Variants in UBE2D2 observed in about 807,000 individuals in gnomAD.
The protein encoded by UBE2D2 is ubiquitin conjugating enzyme E2 D2.
UBE2D2 carries 2 observed loss-of-function variants against 24.2 expected under a neutral mutation model. The observed-to-expected ratio is 0.08, with a 90% confidence interval of 0.03 to 0.26. UBE2D2 has a LOEUF of 0.26. UBE2D2 is among the 10% of genes least tolerant of loss of function. UBE2D2 has a pLI of 1.00. For missense variants in UBE2D2, 44 were observed against 177.6 expected (o/e 0.25, Z 4.28); for synonymous variants, 58 against 56.5 (o/e 1.03, Z -0.12).
At chr5:139,618,632 GA>G (rs1754461106) in intron 5 of UBE2D2, among the ~76,000 whole-genome samples, 2 of 152,250 alleles carry the variant, frequency 1.3e-5, no homozygotes, top group African/African-American at 2.4e-5. Context: ...CAAGATAGCT[GA>G]AATTATTGCC....
chr5:139,563,095 T>C (rs1208489542), intron 1 of UBE2D2, among the ~76,000 whole-genome samples: 1 of 152,184 alleles, frequency 6.6e-6, no homozygotes, highest in Non-Finnish European at 1.5e-5. Flanking sequence ...TACCTGTAGC[T>C]ACTTAGAAGT....
At chr5:139,587,046 C>T (rs1256474257) in intron 1 of UBE2D2, among the ~76,000 whole-genome samples, 3 of 152,116 alleles carry the variant, frequency 2.0e-5, no homozygotes, top group African/African-American at 7.2e-5. Flanking sequence ...TGTTGGCAAG[C>T]CTCGTGTTCT....
At chr5:139,568,630 C>T (rs1753290968) in intron 1 of UBE2D2, among the ~76,000 whole-genome samples, 1 of 151,598 alleles carries the variant, frequency 6.6e-6, no homozygotes, top group Non-Finnish European at 1.5e-5. Flanking sequence ...GCATTCTAGC[C>T]TGGGCGACAG....
chr5:139,551,116 G>A (rs550366419), intron 1 of UBE2D2, among the ~76,000 whole-genome samples: 13 of 152,242 alleles, frequency 8.5e-5, no homozygotes, highest in Non-Finnish European at 1.8e-4. Context: ...AGATTGAGGC[G>A]GGTGGATTGT....
intron 1 of UBE2D2, among the ~76,000 whole-genome samples, chr5:139,541,031 C>T (rs1752752667): frequency 2.0e-5 from 3 of 150,702 alleles, no homozygotes; most frequent in Admixed American, 6.6e-5. Context: ...GGCACGGTAG[C>T]TCATCCCTGT....
At chr5:139,550,566 C>A (rs569270803) in intron 1 of UBE2D2, among the ~76,000 whole-genome samples, 1 of 152,256 alleles carries the variant, frequency 6.6e-6, no homozygotes, top group African/African-American at 2.4e-5. Flanking sequence ...CTTCCACGCT[C>A]ACGCTATGGG....
At chr5:139,559,425 CAAA>C (rs113176227), upstream of UBE2D2, among the ~76,000 whole-genome samples, 5 of 108,396 alleles carry the variant, frequency 4.6e-5, no homozygotes, top group Admixed American at 2.0e-4. Flanking sequence ...GACTCCGTCT[CAAA>C]AAAAAAAAAA....
At chr5:139,545,342 A>G (rs951001404) in intron 1 of UBE2D2, among the ~76,000 whole-genome samples, 1 of 150,592 alleles carries the variant, frequency 6.6e-6, no homozygotes, top group Non-Finnish European at 1.5e-5. Context: ...AGCTGAGACT[A>G]TAAGCATATG....
chr5:139,600,325 A>G, intron 1 of UBE2D2, 47 bp from the exon 2 acceptor site: 2 of 1,582,188 alleles, frequency 1.3e-6, no homozygotes, highest in South Asian at 2.2e-5. Flanking sequence ...AATGGATAAA[A>G]GGTACATTTA....
intron 1 of UBE2D2, among the ~76,000 whole-genome samples, chr5:139,571,732 T>C (rs551477474): frequency 1.3e-5 from 2 of 151,850 alleles, no homozygotes; most frequent in East Asian, 3.9e-4. Flanking sequence ...CATCCTTTTC[T>C]CTCTCTCTCT....
chr5:139,545,722 C>G lies in UBE2D2; in HGVS notation c.-64+19110C>G, dbSNP rs959051769. Among the ~76,000 whole-genome samples the G allele has an allele frequency of 2.0e-5, 3 of 150,866 alleles. 1 individual carries two copies. In the East Asian group the frequency reaches 5.9e-4, roughly 30 times the overall value. ...TACTGGCGTGAAACACTGAGCCCAGCCTACATTTTTTTTTTTTTGGAAACA... is the reference window on the plus strand; with the variant it reads ...TACTGGCGTGAAACACTGAGCCCAGGCTACATTTTTTTTTTTTTGGAAACA... On this transcript the variant is annotated intron_variant, in intron 1 of 6. Coordinates refer to the UBE2D2 transcript ENST00000511725.
intron 1 of UBE2D2, among the ~76,000 whole-genome samples, chr5:139,533,019 A>G (rs1752616563): frequency 6.6e-6 from 1 of 151,556 alleles, no homozygotes; most frequent in Non-Finnish European, 1.5e-5. Context: ...GAGGCTGGAG[A>G]ATCACTTGAA....
At chr5:139,548,193 A>ATAAATAAAT (rs1752862435) in intron 1 of UBE2D2, among the ~76,000 whole-genome samples, 9 of 47,094 alleles carry the variant, frequency 1.9e-4, no homozygotes, top group South Asian at 1.3e-3. Flanking sequence ...ATAAAAAAAA[A>ATAAATAAAT]AAATAAATAA....
intron 1 of UBE2D2, among the ~76,000 whole-genome samples, chr5:139,547,853 C>T (rs1341942297): frequency 6.6e-6 from 1 of 151,958 alleles, no homozygotes; most frequent in Non-Finnish European, 1.5e-5. Flanking sequence ...TGCCACCACG[C>T]CCAGCTAATT....
chr5:139,574,402 C>T (rs1314415160), intron 1 of UBE2D2, among the ~76,000 whole-genome samples: 1 of 151,724 alleles, frequency 6.6e-6, no homozygotes, highest in African/African-American at 2.4e-5. Flanking sequence ...GTAGTTGGTC[C>T]TTCCTAGAAT....
chr5:139,552,187 G>A (rs1332349959), intron 1 of UBE2D2, among the ~76,000 whole-genome samples: 2 of 149,582 alleles, frequency 1.3e-5, no homozygotes, highest in Non-Finnish European at 3.0e-5. Context: ...TTTTGAGACG[G>A]AGTCTCACTC....
intron 1 of UBE2D2, 195 bp from the exon 2 acceptor site, chr5:139,600,177 A>T: frequency 1.5e-6 from 1 of 673,438 alleles, no homozygotes; most frequent in Non-Finnish European, 2.7e-6. Flanking sequence ...GACCCACTTT[A>T]AAAAAATACA....
chr5:139,552,810 G>A (rs1401232102), intron 1 of UBE2D2, among the ~76,000 whole-genome samples: 1 of 150,998 alleles, frequency 6.6e-6, no homozygotes, highest in Non-Finnish European at 1.5e-5. Flanking sequence ...AGCCTCCCAA[G>A]TAGCTGGGAA....
intron 1 of UBE2D2, among the ~76,000 whole-genome samples, chr5:139,584,533 C>CTTTTTTTTTTTTTTTTT (rs10642044): frequency 1.5e-5 from 2 of 133,066 alleles, no homozygotes; most frequent in Non-Finnish European, 1.6e-5. Flanking sequence ...CTTTTCTTTT[C>CTTTTTTTTTTTTTTTTT]TTTTTTTTTT....
Sources: gnomAD v4.1 joint callset for allele counts (sites outside exome capture counted in the v4.1 genomes callset) on GRCh38, gnomAD v4.1.1 for gene constraint, MANE v1.5 for transcripts, NCBI Gene and HGNC (gene_info 2026-07-23, HGNC 2026-07-21) for gene names.